Variants in MBP observed in about 807,000 individuals in gnomAD.
MBP encodes myelin basic protein, also known as Golli-MBP.
Under a neutral mutation model 35.8 loss-of-function variants are expected in MBP, and 16 were observed. The ratio of observed to expected loss-of-function variants is 0.45; its 90% CI spans 0.30 to 0.68. The LOEUF is 0.68. Among genes scored for constraint, MBP ranks in the 30% least tolerant of loss-of-function variants. The probability of loss-of-function intolerance (pLI) is 0.08; values close to 1 mark genes in which losing one functional copy is unlikely to be tolerated. For synonymous variants in MBP, 143 were observed against 159.6 expected (o/e 0.90, Z 0.78); for missense variants, 380 against 404.7 (o/e 0.94, Z 0.52).
At chr18:77,082,785 C>A (rs1975016810) in intron 2 of MBP, among the ~76,000 whole-genome samples, 1 of 130,812 alleles carries the variant, frequency 7.6e-6, no homozygotes, top group Non-Finnish European at 1.7e-5. Context: ...CTGGGGGACG[C>A]CATGTGGCTC....
At chr18:76,990,156 G>GT in intron 4 of MBP, 96 bp from the exon 5 acceptor site, 2 of 707,210 alleles carry the variant, frequency 2.8e-6, no homozygotes, top group Non-Finnish European at 4.5e-6. Flanking sequence ...TTGTAATCTG[G>GT]ATTTTTTTTT....
intron 4 of MBP, among the ~76,000 whole-genome samples, chr18:77,009,201 CCCTTCT>C (rs907824938): frequency 6.6e-6 from 1 of 152,210 alleles, no homozygotes; most frequent in African/African-American, 2.4e-5. Context: ...TGTCCCCTTC[CCCTTCT>C]CCTCCTGGCT....
At chr18:77,009,906 GC>G in intron 4 of MBP, 1 of 1,592,636 alleles carries the variant, frequency 6.3e-7, no homozygotes, top group Non-Finnish European at 8.5e-7. Context: ...GAGGGCTCCG[GC>G]CCGGCTTTAG....
intron 7 of MBP, chr18:76,985,148 G>A: frequency 1.3e-6 from 2 of 1,531,322 alleles, no homozygotes; most frequent in Non-Finnish European, 1.8e-6. Context: ...CATGAGATAT[G>A]CGGCCCAACC....
chr18:77,051,982 C>G (rs1485544792), intron 3 of MBP, among the ~76,000 whole-genome samples: 1 of 152,094 alleles, frequency 6.6e-6, no homozygotes, highest in East Asian at 1.9e-4. Context: ...CTCATTGGAA[C>G]AAGTGGGAAA....
intron 2 of MBP, among the ~76,000 whole-genome samples, chr18:77,081,765 TATAC>T (rs1159092008): frequency 1.5e-3 from 140 of 93,184 alleles, no homozygotes; most frequent in African/African-American, 2.0e-3. Flanking sequence ...TATATATATA[TATAC>T]ACACACACAC....
intron 1 of MBP, among the ~76,000 whole-genome samples, chr18:77,118,551 C>T (rs1035562128): frequency 2.6e-5 from 4 of 151,504 alleles, no homozygotes; most frequent in East Asian, 3.9e-4. Context: ...AGAGACAGTG[C>T]GGAAAGCTGG....
chr18:77,018,337 CATCTATCCATCCATCCATACACAT>C (rs1971765291), intron 3 of MBP, among the ~76,000 whole-genome samples: 2 of 130,308 alleles, frequency 1.5e-5, no homozygotes, highest in Non-Finnish European at 3.6e-5. Context: ...CTCATCCATC[CATCTATCCATCCATCCATACACAT>C]ACCCACCTAC....
intron 4 of MBP, chr18:77,014,271 G>A (rs1971503783): frequency 1.0e-6 from 1 of 985,370 alleles, no homozygotes; most frequent in Non-Finnish European, 1.2e-6. Flanking sequence ...TCCAACATGT[G>A]GTACCAGCGG....
chr18:77,034,750 A>T (rs1039658810), intron 3 of MBP, among the ~76,000 whole-genome samples: 1 of 152,090 alleles, frequency 6.6e-6, no homozygotes. Flanking sequence ...TTGCTTTGCG[A>T]CCATTGGCTC....
chr18:76,994,848 TG>T, intron 4 of MBP, among the ~76,000 whole-genome samples: 1 of 152,358 alleles, frequency 6.6e-6, no homozygotes, highest in African/African-American at 2.4e-5. Context: ...TGGTCTTCAG[TG>T]AATGGAATAA....
chr18:77,128,261 G>A (rs1182347317), intron 1 of MBP, among the ~76,000 whole-genome samples: 5 of 152,180 alleles, frequency 3.3e-5, no homozygotes, highest in African/African-American at 7.2e-5. Flanking sequence ...AGGGAATTGC[G>A]TTTAGCGGAA....
chr18:77,087,897 C>G (rs942274966), intron 2 of MBP, among the ~76,000 whole-genome samples: 1 of 152,110 alleles, frequency 6.6e-6, no homozygotes, highest in Non-Finnish European at 1.5e-5. Flanking sequence ...CCGCTGACAC[C>G]CCGCGGGGCA....
intron 7 of MBP, chr18:76,985,536 A>G: frequency 8.7e-7 from 1 of 1,147,618 alleles, no homozygotes; most frequent in East Asian, 6.5e-5. Flanking sequence ...AGCAGGAATC[A>G]GTCTCCCTTG....
At position 76,979,571 on chromosome 18, in the gene MBP, G is replaced by C. The variant is rs770284861; in HGVS notation, c.*856C>G. The C allele has an allele frequency of 2.0e-5, 5 of 253,926 alleles. No individual in the cohort carries two copies. Among genetic ancestry groups the C allele is most frequent in the South Asian group, 5.1e-5 (1 of 19,652 alleles). 15.7% of individuals were successfully genotyped at this position (253,926 alleles called of 1,614,324 possible). ...GTGCGCAAGTCTTCCTGGACTCTCC[G>C]GCTGTGGGCTGTGGTTTGGAAACGA... On this transcript the variant is annotated 3_prime_UTR_variant, in exon 9 of 9. Transcript: ENST00000355994.
intron 3 of MBP, among the ~76,000 whole-genome samples, chr18:77,047,115 A>G (rs1973289602): frequency 6.6e-6 from 1 of 152,238 alleles, no homozygotes; most frequent in Non-Finnish European, 1.5e-5. Flanking sequence ...AACAGACAAA[A>G]CAAAGGCGAC....
chr18:77,081,470 G>A (rs1000719673), intron 2 of MBP, among the ~76,000 whole-genome samples: 3 of 152,032 alleles, frequency 2.0e-5, no homozygotes, highest in Admixed American at 6.6e-5. Context: ...ACGTTATTAC[G>A]CAGTAAGGAA....
intron 3 of MBP, among the ~76,000 whole-genome samples, chr18:77,055,422 C>T (rs1599152095): frequency 6.6e-6 from 1 of 152,206 alleles, no homozygotes. Context: ...GTGGCTGTTC[C>T]CTCCCAGCCC....
At chr18:76,986,191 C>G (rs1350239632) in intron 7 of MBP, 1 of 985,412 alleles carries the variant, frequency 1.0e-6, no homozygotes, top group East Asian at 1.1e-4. Context: ...AGTCTCTACT[C>G]AATGGACAGG....
Sources: gnomAD v4.1 joint callset for allele counts (sites outside exome capture counted in the v4.1 genomes callset) on GRCh38, gnomAD v4.1.1 for gene constraint, MANE v1.5 for transcripts, NCBI Gene and HGNC (gene_info 2026-07-23, HGNC 2026-07-21) for gene names.